The following RB1 variants were observed in gnomAD, a reference collection of about 807,000 sequenced individuals.
The protein encoded by RB1 is RB transcriptional corepressor 1, also known as retinoblastoma-associated protein.
In RB1, 18 loss-of-function variants were observed where a neutral mutation model predicts 135.4. The observed-to-expected ratio is 0.13, with a 90% CI of 0.09 to 0.20. The LOEUF is 0.20. Among genes scored for constraint, RB1 ranks in the 10% least tolerant of loss-of-function variants. The pLI is 1.00. For missense variants in RB1, 868 were observed against 1,110.0 expected (o/e 0.78, Z 3.10); for synonymous variants, 365 against 373.2 (o/e 0.98, Z 0.25).
In RB1 at chr13:48,303,973, C is replaced by G; in HGVS notation, c.61C>G (p.Pro21Ala). Residue 21 changes from proline to alanine, a missense_variant, in exon 1 of 27, where the codon CCG becomes GCG. By Grantham distance (27) the Pro-to-Ala change is conservative. Coordinates refer to ENST00000267163, the MANE Select transcript of RB1 (RefSeq NM_000321.3). ...CGCCGCCGCTGCCGCCGCGGAACCC[C>G]CGGCACCGCCGCCGCCGCCCCCTCC... ...ATAAAAAAEP[P>A]APPPPPPPEE... The G allele has an allele frequency of 6.7e-7, 1 of 1,502,912 alleles. No homozygotes were observed. 93.1% of individuals were successfully genotyped at this position (1,502,912 alleles called of 1,614,324 possible).
At chr13:48,464,086 A>G (rs534976988) in intron 21 of RB1, among the ~76,000 whole-genome samples, 1 of 152,314 alleles carries the variant, frequency 6.6e-6, no homozygotes, top group East Asian at 1.9e-4. Context: ...TTATCCCTGT[A>G]ATAAGCAGGT....
Position 48,319,114 on chromosome 13 carries a change from TG to T in RB1, c.264+11710del. The stretch of plus-strand genomic sequence containing the variant: ...ACTCGTTCCTGGAAGCCGGGCTCGC[TG>T]GAGGCGGAGCTTTGGTTTCCTTCGG... On this transcript the variant is annotated intron_variant, in intron 2 of 26. Coordinates refer to ENST00000267163, the MANE Select transcript of RB1 (RefSeq NM_000321.3). The surrounding 1 kb of genome is among the most constrained non-coding windows in gnomAD (Gnocchi z 5.0). 1.6e-6 allele frequency: 1 copy of T among 608,232 alleles called. No homozygotes were observed. The highest frequency in any genetic ancestry group is 1.5e-5 in the South Asian group (1 of 64,996). 37.7% of individuals were successfully genotyped at this position (608,232 alleles called of 1,614,324 possible).
rs1208736713 is a variant in RB1, at chr13:48,364,937, C to A, written c.905C>A (p.Ser302Tyr). The change falls in exon 9 of 27, where the codon TCT (serine) becomes TAT (tyrosine). Residue 302 changes from serine to tyrosine, a missense_variant. Ser to Tyr is a moderately radical substitution (Grantham distance 144). Transcript: ENST00000267163. Reference protein sequence around the residue: ...YFKNFIPFMNSLGLVTSNGLP... With the variant: ...YFKNFIPFMNYLGLVTSNGLP... The stretch of plus-strand genomic sequence containing the variant: ...AAAAATTTTATACCTTTTATGAATT[C>A]TCTTGGACTTGTAACATCTAATGGA... 3.2e-6 allele frequency: 5 copies of A among 1,570,586 alleles called. No individual in the cohort carries two copies. The highest frequency in any genetic ancestry group is 4.3e-6 in the Non-Finnish European group (5 of 1,153,824).
chr13:48,396,076 G>C (rs1948645713), intron 17 of RB1, among the ~76,000 whole-genome samples: 1 of 152,196 alleles, frequency 6.6e-6, no homozygotes, highest in Non-Finnish European at 1.5e-5. Flanking sequence ...ACTGCCCACA[G>C]TAATTTATAG....
intron 17 of RB1, chr13:48,391,632 T>C (rs1460730686): frequency 6.6e-6 from 1 of 152,178 alleles, no homozygotes; most frequent in Non-Finnish European, 1.5e-5. Context: ...TTTTTTTTTC[T>C]TTTTGAGATG....
At position 48,401,590 on chromosome 13, in the gene RB1, C is replaced by T. The variant is rs539496743; in HGVS notation, c.1695+20147C>T. On this transcript the variant is annotated intron_variant, in intron 17 of 26. Transcript: ENST00000267163. The stretch of plus-strand genomic sequence containing the variant: ...TTTTAAAAACTCTGAACTGTCACGA[C>T]CCAGTCTGTTTCAACATACACATTT... 2.6e-5 allele frequency among the ~76,000 whole-genome samples: 4 copies of T among 152,264 alleles called. No homozygotes were observed. The South Asian group carries it at 6.2e-4, about 24-fold the overall frequency.
At position 48,480,179 on chromosome 13, in the gene RB1, T is replaced by C; in HGVS notation, c.*108T>C. ...TCTGTTTATGGCCACATTTAATATC[T>C]TCAGCTCTTTTTGTGGATATAAAAT... On this transcript the variant is annotated 3_prime_UTR_variant, in exon 27 of 27. Transcript: ENST00000267163. The C allele has an allele frequency of 1.1e-6, 1 of 898,194 alleles. No homozygotes were observed. Among genetic ancestry groups the C allele is most frequent in the Non-Finnish European group, 1.8e-6 (1 of 549,934 alleles). The allele number at this position is 898,194 out of a possible 1,614,324, so 55.6% of individuals were successfully genotyped here. A position where few individuals can be genotyped will look rare whatever the true frequency, so the allele number is the denominator to read the frequency against.
intron 17 of RB1, among the ~76,000 whole-genome samples, chr13:48,388,089 C>A (rs1948584109): frequency 1.3e-5 from 2 of 152,142 alleles, no homozygotes; most frequent in African/African-American, 4.8e-5. Context: ...CTTAACTAGT[C>A]ATTTATAAAC....
rs1264333384 is a variant in RB1 at position 48,465,313 on chromosome 13, C to G, written c.2434C>G (p.Pro812Ala). Residue 812 changes from proline (P) to alanine (A), a missense_variant, in exon 23 of 27, where the codon CCA becomes GCA. Transcript: ENST00000267163. ...CATCTATATTTCACCCCTGAAGAGTCCATATAAAATTTCAGAAGGTCTGCC... is the reference window on the plus strand; with the variant it reads ...CATCTATATTTCACCCCTGAAGAGTGCATATAAAATTTCAGAAGGTCTGCC... ...GNIYISPLKSPYKISEGLPTP... is the reference protein window; with the variant it reads ...GNIYISPLKSAYKISEGLPTP... 6.2e-7 allele frequency: 1 copy of G among 1,611,216 alleles called. No homozygotes were observed. The highest frequency in any genetic ancestry group is 1.1e-5 in the South Asian group (1 of 91,022).
At chr13:48,472,546 T>G (rs1047623551) in intron 23 of RB1, among the ~76,000 whole-genome samples, 1 of 152,154 alleles carries the variant, frequency 6.6e-6, no homozygotes, top group Non-Finnish European at 1.5e-5. Flanking sequence ...TAGTCCATAT[T>G]ATGGTGATAA....
At chr13:48,379,719 T>C in intron 14 of RB1, 69 bp downstream of exon 14, 1 of 1,551,158 alleles carries the variant, frequency 6.4e-7, no homozygotes, top group Non-Finnish European at 8.7e-7. Flanking sequence ...CCCAGCACTT[T>C]GGGAGGCCGA....
intron 17 of RB1, among the ~76,000 whole-genome samples, chr13:48,451,237 T>C (rs1404321465): frequency 6.6e-6 from 1 of 152,202 alleles, no homozygotes; most frequent in East Asian, 1.9e-4. Flanking sequence ...TGCTTCCAGC[T>C]TTTCCCCATT....
In RB1 at chr13:48,481,382, T is replaced by A; in HGVS notation, c.*1311T>A. On this transcript the variant is annotated 3_prime_UTR_variant, in exon 27 of 27. Transcript: ENST00000267163. ...TACACCTAAAGGTGTATTTAAACTA[T>A]CTTGTGTGATTAACTTATTTAGAGA... 4.3e-6 allele frequency: 1 copy of A among 231,766 alleles called. No homozygotes were observed. The highest frequency in any genetic ancestry group is 8.5e-6 in the Non-Finnish European group (1 of 117,164). 14.4% of individuals were successfully genotyped at this position (231,766 alleles called of 1,614,324 possible). A position where few individuals can be genotyped will look rare whatever the true frequency, so the allele number is the denominator to read the frequency against.
intron 17 of RB1, among the ~76,000 whole-genome samples, chr13:48,414,290 T>C (rs1219822879): frequency 6.7e-6 from 1 of 148,672 alleles, no homozygotes; most frequent in Non-Finnish European, 1.5e-5. Context: ...GATGTTGCAG[T>C]GAACCAAGAT....
chr13:48,326,121 AG>A (rs1952285340), intron 2 of RB1, among the ~76,000 whole-genome samples: 1 of 152,122 alleles, frequency 6.6e-6, no homozygotes, highest in South Asian at 2.1e-4. Context: ...CTCTGCTCCA[AG>A]AAACAGGAAT....
intron 2 of RB1, among the ~76,000 whole-genome samples, chr13:48,334,285 G>A (rs1952363758): frequency 6.6e-6 from 1 of 152,118 alleles, no homozygotes. Flanking sequence ...TTTTACTTCT[G>A]TGCACATCCA....
intron 17 of RB1, among the ~76,000 whole-genome samples, chr13:48,397,593 G>C (rs1948658863): frequency 6.6e-6 from 1 of 152,080 alleles, no homozygotes; most frequent in Non-Finnish European, 1.5e-5. Context: ...GTATACCTAT[G>C]TAACAAACCT....
At chr13:48,472,927 C>A (rs773320051) in intron 23 of RB1, among the ~76,000 whole-genome samples, 33 of 151,972 alleles carry the variant, frequency 2.2e-4, no homozygotes, top group Non-Finnish European at 8.8e-5. Context: ...TGATAAATAG[C>A]CTTTACTATA....
chr13:48,306,926 T>C (rs1275418893), intron 1 of RB1, among the ~76,000 whole-genome samples: 1 of 152,220 alleles, frequency 6.6e-6, no homozygotes, highest in African/African-American at 2.4e-5. Flanking sequence ...TATAATATTA[T>C]CTATGGGTTT....
Sources: allele counts gnomAD v4.1 joint callset (sites outside exome capture counted in the v4.1 genomes callset), GRCh38; gene constraint gnomAD v4.1.1; non-coding constraint Gnocchi (gnomAD v3.1); transcripts MANE v1.5; gene names NCBI Gene and HGNC (gene_info 2026-07-23, HGNC 2026-07-21).